The following THSD7B variants were observed in gnomAD, a reference collection of about 807,000 sequenced individuals.
THSD7B encodes the protein thrombospondin type 1 domain containing 7B, also known as thrombospondin type-1 domain-containing protein 7B.
A neutral mutation model predicts 213.6 loss-of-function variants in THSD7B; 138 were observed. The ratio of observed to expected loss-of-function variants is 0.65; its 90% CI spans 0.56 to 0.74. The LOEUF (loss-of-function observed/expected upper bound fraction) is 0.74. Ranked by LOEUF, THSD7B falls within the 30% of genes least tolerant of loss-of-function variation. The pLI is 0.00. For synonymous variants in THSD7B, 742 were observed against 687.0 expected, an observed-to-expected ratio of 1.08 and a Z score of -1.25; for missense variants, 1,931 against 1,991.5, an observed-to-expected ratio of 0.97 and a Z score of 0.58.
At chr2:137,123,684 A>C (rs1444827542) in intron 5 of THSD7B, among the ~76,000 whole-genome samples, 1 of 152,208 alleles carries the variant, frequency 6.6e-6, no homozygotes, top group East Asian at 1.9e-4. Context: ...GATTTATTGC[A>C]ATAGATGAGA....
chr2:136,854,649 A>G (rs957730207), intron 1 of THSD7B, among the ~76,000 whole-genome samples: 1 of 151,498 alleles, frequency 6.6e-6, no homozygotes, highest in African/African-American at 2.4e-5. Context: ...AAAGAAAGAT[A>G]AGTTGGGAAC....
At chr2:136,958,306 G>T (rs1221382435) in intron 2 of THSD7B, among the ~76,000 whole-genome samples, 2 of 152,206 alleles carry the variant, frequency 1.3e-5, no homozygotes, top group Admixed American at 1.3e-4. Flanking sequence ...TGACTGTCCT[G>T]TGTTGTTTTA....
chr2:137,070,084 A>T (rs1687451934), intron 3 of THSD7B, among the ~76,000 whole-genome samples: 1 of 151,894 alleles, frequency 6.6e-6, no homozygotes, highest in Non-Finnish European at 1.5e-5. Context: ...AGTTAGAGGA[A>T]TGTCACTAAT....
At chr2:136,936,030 A>C (rs923610445) in intron 2 of THSD7B, among the ~76,000 whole-genome samples, 6 of 150,122 alleles carry the variant, frequency 4.0e-5, no homozygotes, top group African/African-American at 1.5e-4. Context: ...TATATAGTCG[A>C]GGCCCTCTCT....
chr2:137,494,637 A>G (rs1462664783), intron 15 of THSD7B, among the ~76,000 whole-genome samples: 2 of 152,064 alleles, frequency 1.3e-5, no homozygotes, highest in African/African-American at 4.8e-5. Flanking sequence ...TCTGCCTACC[A>G]CACTCTTACT....
chr2:137,259,225 G>A (rs192436933), intron 10 of THSD7B, among the ~76,000 whole-genome samples: 2 of 152,216 alleles, frequency 1.3e-5, no homozygotes, highest in Admixed American at 1.3e-4. Flanking sequence ...TGGGTCAAAT[G>A]GTATTTCTGG....
At chr2:137,536,018 C>G (rs550417141) in intron 15 of THSD7B, among the ~76,000 whole-genome samples, 5 of 150,636 alleles carry the variant, frequency 3.3e-5, no homozygotes, top group East Asian at 2.0e-4. Context: ...GGGACCTAAC[C>G]GGCCATGAGT....
intron 1 of THSD7B, among the ~76,000 whole-genome samples, chr2:136,766,686 G>A (rs932212781): frequency 6.6e-6 from 1 of 152,152 alleles, no homozygotes; most frequent in African/African-American, 2.4e-5. Flanking sequence ...TGAGCTCAGA[G>A]CTTCCCATAA....
intron 2 of THSD7B, among the ~76,000 whole-genome samples, chr2:137,056,132 AGCAATTC>A (rs1687158800): frequency 6.6e-6 from 1 of 152,162 alleles, no homozygotes; most frequent in Admixed American, 6.5e-5. Flanking sequence ...TTATCTTCAG[AGCAATTC>A]TACAAGTCGG....
intron 3 of THSD7B, among the ~76,000 whole-genome samples, chr2:137,062,415 G>A (rs1687295116): frequency 6.6e-6 from 1 of 151,282 alleles, no homozygotes; most frequent in Non-Finnish European, 1.5e-5. Flanking sequence ...TTCCTAAGGT[G>A]GAAACTTAGG....
In THSD7B at chr2:137,463,952, C is replaced by G. The variant is rs144873198; in HGVS notation, c.3138+12929C>G. ...TGGCTTAAAGTCTGCAATAGCTTAT[C>G]AGAAAAGGATGTTTGTAAGGCTGGT... On this transcript the variant is annotated intron_variant, in intron 15 of 27. Coordinates refer to ENST00000409968, the MANE Select transcript of THSD7B (RefSeq NM_001316349.2). Among the ~76,000 whole-genome samples the G allele has an allele frequency of 6.4e-4, 98 of 152,140 alleles. 1 individual carries two copies. Among genetic ancestry groups the G allele is most frequent in the African/African-American group, 2.3e-3 (95 of 41,538 alleles).
chr2:136,998,115 C>G (rs375315415), intron 2 of THSD7B, among the ~76,000 whole-genome samples: 63 of 151,954 alleles, frequency 4.1e-4, no homozygotes, highest in African/African-American at 1.5e-3. Context: ...CACTCAATGC[C>G]GTGGCCCCAT....
rs556853920 is a variant in THSD7B, at chr2:136,940,048, T to G, written c.139+57731T>G. ...AGGATATGTGAAACTAACCCCCAAA[T>G]AAGTTTGGTTTTTTATCTTTTTTAA... On this transcript the variant is annotated intron_variant, in intron 2 of 27. Transcript: ENST00000409968. Among the ~76,000 whole-genome samples the G allele has an allele frequency of 1.1e-4, 16 of 152,270 alleles. No homozygotes were observed. The South Asian group carries it at 2.3e-3, about 22-fold the overall frequency.
At position 137,570,793 on chromosome 2, in the gene THSD7B, C is replaced by A. The variant is rs78008801; in HGVS notation, c.3273-1613C>A. 5.9e-3 allele frequency among the ~76,000 whole-genome samples: 892 copies of A among 152,258 alleles called. 8 individuals carry two copies. Among genetic ancestry groups the A allele is most frequent in the African/African-American group, 0.02 (849 of 41,536 alleles). ...ATAGTGCTAGGGATCATGTCTGTCT[C>A]TATTTCAGTTCTGTACCCCAACACC... On this transcript the variant is annotated intron_variant, in intron 16 of 27. Coordinates refer to ENST00000409968, the MANE Select transcript of THSD7B (RefSeq NM_001316349.2).
At chr2:137,441,033 T>A (rs1687397529) in intron 14 of THSD7B, among the ~76,000 whole-genome samples, 1 of 152,084 alleles carries the variant, frequency 6.6e-6, no homozygotes, top group South Asian at 2.1e-4. Context: ...TTGAAGGTAG[T>A]TGTTTCTATT....
At position 137,092,541 on chromosome 2, in the gene THSD7B, A is replaced by G. The variant is rs554043468; in HGVS notation, c.951-2332A>G. On this transcript the variant is annotated intron_variant, in intron 3 of 27. Coordinates refer to ENST00000409968, the MANE Select transcript of THSD7B (RefSeq NM_001316349.2). ...GTATAAATATGGACATTTACTATCA[A>G]TATGGCCAAATATGAGCATATTTTA... Among the ~76,000 whole-genome samples, 10 of 152,302 alleles carry G rather than the reference A, an allele frequency of 6.6e-5. No individual in the cohort carries two copies. In the South Asian group the frequency reaches 1.9e-3, roughly 28 times the overall value.
intron 12 of THSD7B, among the ~76,000 whole-genome samples, chr2:137,384,486 G>A (rs1396489463): frequency 1.3e-5 from 2 of 152,174 alleles, no homozygotes; most frequent in African/African-American, 2.4e-5. Context: ...CAGCATGGGT[G>A]AAGGAAGGGA....
At chr2:137,126,897 G>T (rs1020518708) in intron 5 of THSD7B, among the ~76,000 whole-genome samples, 1 of 152,140 alleles carries the variant, frequency 6.6e-6, no homozygotes, top group Admixed American at 6.6e-5. Context: ...AGGGAGGCCT[G>T]AGGAAAGAGA....
intron 5 of THSD7B, among the ~76,000 whole-genome samples, chr2:137,147,295 T>G (rs10171397): frequency 0.02 from 3,025 of 152,294 alleles, 95 homozygotes; most frequent in African/African-American, 0.068. Context: ...CTAATCTGTA[T>G]TTTAAAAATT....
Sources: allele counts gnomAD v4.1 joint callset (sites outside exome capture counted in the v4.1 genomes callset), GRCh38; gene constraint gnomAD v4.1.1; transcripts MANE v1.5; gene names NCBI Gene and HGNC (gene_info 2026-07-23, HGNC 2026-07-21).